Variants in NAV2 observed in about 807,000 individuals in gnomAD.
NAV2 encodes the protein helicase, APC down-regulated 1.
Under a neutral mutation model 223.2 loss-of-function variants are expected in NAV2, and 54 were observed. The observed-to-expected ratio is 0.24, with a 90% CI of 0.19 to 0.30. NAV2 has a LOEUF of 0.30. Ranked by LOEUF, NAV2 falls within the 10% of genes least tolerant of loss-of-function variation. The pLI is 1.00. For missense variants in NAV2, 2,806 were observed against 3,147.5 expected (o/e 0.89, Z 2.60); for synonymous variants, 1,279 against 1,239.3 (o/e 1.03, Z -0.67).
At chr11:20,114,510 A>G in intron 36 of NAV2, 82 bp from the exon 37 acceptor site, 12 of 1,272,626 alleles carry the variant, frequency 9.4e-6, no homozygotes, top group Non-Finnish European at 1.3e-5. Context: ...GGATTTGGGG[A>G]GTTTTTCAGA....
At chr11:19,621,534 T>C (rs2046995461) in intron 1 of NAV2, among the ~76,000 whole-genome samples, 1 of 152,242 alleles carries the variant, frequency 6.6e-6, no homozygotes, top group African/African-American at 2.4e-5. Flanking sequence ...TTTTCTAGTT[T>C]ATTTGCATAG....
intron 1 of NAV2, among the ~76,000 whole-genome samples, chr11:19,477,108 A>G (rs1564968498): frequency 6.6e-6 from 1 of 152,138 alleles, no homozygotes; most frequent in East Asian, 1.9e-4. Context: ...AAGCGAAATG[A>G]TTTTTTTGGA....
chr11:19,699,977 G>A (rs189223364), intron 1 of NAV2, among the ~76,000 whole-genome samples: 1 of 152,308 alleles, frequency 6.6e-6, no homozygotes, highest in Non-Finnish European at 1.5e-5. Flanking sequence ...GATCCCCAAT[G>A]GGCTCATAGC....
intron 1 of NAV2, among the ~76,000 whole-genome samples, chr11:19,639,868 A>G (rs1205253354): frequency 6.6e-6 from 1 of 152,194 alleles, no homozygotes; most frequent in Admixed American, 6.5e-5. Context: ...ACCCCCCTAG[A>G]AACTGGTAGC....
chr11:19,814,164 C>G (rs1176982162), intron 1 of NAV2, among the ~76,000 whole-genome samples: 4 of 152,136 alleles, frequency 2.6e-5, no homozygotes, highest in South Asian at 4.1e-4. Flanking sequence ...AAAGGCCAAG[C>G]TGAGGAAGCT....
intron 11 of NAV2, among the ~76,000 whole-genome samples, chr11:20,002,428 C>CAGTCAGGGAGATGTCAGTGCGTTCAG (rs1184068775): frequency 6.6e-6 from 1 of 152,086 alleles, no homozygotes; most frequent in Non-Finnish European, 1.5e-5. Context: ...AGGGACAGCG[C>CAGTCAGGGAGATGTCAGTGCGTTCAG]AGTCAGGGAG....
chr11:19,836,521 C>G (rs986812409), intron 2 of NAV2, among the ~76,000 whole-genome samples: 1 of 145,560 alleles, frequency 6.9e-6, no homozygotes, highest in East Asian at 2.1e-4. Flanking sequence ...TGCGCCACTG[C>G]AGTCCGCAGT....
At chr11:19,591,225 A>G (rs906565640) in intron 1 of NAV2, 5 of 152,268 alleles carry the variant, frequency 3.3e-5, no homozygotes, top group African/African-American at 9.6e-5. Context: ...TTGTTTCTCA[A>G]TGCAGCCCCA....
intron 10 of NAV2, among the ~76,000 whole-genome samples, chr11:19,960,448 T>C (rs2048255995): frequency 6.6e-6 from 1 of 152,092 alleles, no homozygotes; most frequent in Non-Finnish European, 1.5e-5. Flanking sequence ...CTTAAGCCCA[T>C]GGAAGAGTTG....
At chr11:19,870,294 A>G (rs977149645) in intron 4 of NAV2, among the ~76,000 whole-genome samples, 9 of 152,144 alleles carry the variant, frequency 5.9e-5, no homozygotes, top group Non-Finnish European at 5.9e-5. Context: ...GCAAATTCCC[A>G]TTCAGAGGAG....
At chr11:19,449,323 G>C (rs1249579481) in intron 1 of NAV2, among the ~76,000 whole-genome samples, 5 of 151,794 alleles carry the variant, frequency 3.3e-5, no homozygotes, top group African/African-American at 1.2e-4. Flanking sequence ...GCCAAGCCCG[G>C]AAGGCGGAGT....
intron 1 of NAV2, among the ~76,000 whole-genome samples, chr11:19,637,917 T>A (rs1257650343): frequency 6.6e-6 from 1 of 152,256 alleles, no homozygotes; most frequent in Non-Finnish European, 1.5e-5. Context: ...CCAGGTATCT[T>A]CTTAGGGTAG....
At chr11:20,111,444 A>G (rs1383067893) in intron 36 of NAV2, among the ~76,000 whole-genome samples, 2 of 152,218 alleles carry the variant, frequency 1.3e-5, no homozygotes, top group African/African-American at 2.4e-5. Flanking sequence ...TTACCCAGCC[A>G]TTCATCACCC....
chr11:19,741,681 G>A (rs1045148078), intron 1 of NAV2, among the ~76,000 whole-genome samples: 5 of 49,388 alleles, frequency 1.0e-4, no homozygotes, highest in African/African-American at 4.5e-4. Flanking sequence ...TATCATGTGT[G>A]TGTGTGTATA....
intron 26 of NAV2, among the ~76,000 whole-genome samples, chr11:20,087,559 G>A (rs2060537324): frequency 1.3e-5 from 2 of 152,184 alleles, no homozygotes. Context: ...TCCCACACTC[G>A]AGGCATTTTA....
intron 1 of NAV2, among the ~76,000 whole-genome samples, chr11:19,722,507 G>A (rs184185149): frequency 1.3e-5 from 2 of 152,136 alleles, no homozygotes; most frequent in African/African-American, 4.8e-5. Flanking sequence ...CTAATACAGT[G>A]TATCTTCTAT....
intron 5 of NAV2, chr11:19,884,220 T>C: frequency 8.9e-7 from 1 of 1,126,318 alleles, no homozygotes; most frequent in Non-Finnish European, 1.3e-6. Context: ...CAGAAGACTC[T>C]TAGGATTTGT....
intron 1 of NAV2, among the ~76,000 whole-genome samples, chr11:19,622,748 C>T (rs923701760): frequency 2.0e-5 from 3 of 152,294 alleles, no homozygotes; most frequent in Non-Finnish European, 2.9e-5. Context: ...TTAATTGGAG[C>T]ATTTAGCCCA....
chr11:19,412,660 C>T (rs1450332768), intron 1 of NAV2, among the ~76,000 whole-genome samples: 1 of 152,232 alleles, frequency 6.6e-6, no homozygotes, highest in African/African-American at 2.4e-5. Context: ...TTACAGACAC[C>T]TCATACAAGA....
Sources: gnomAD v4.1 joint callset for allele counts (sites outside exome capture counted in the v4.1 genomes callset) on GRCh38, gnomAD v4.1.1 for gene constraint, MANE v1.5 for transcripts, NCBI Gene and HGNC (gene_info 2026-07-23, HGNC 2026-07-21) for gene names.